The following CHN1 variants were observed in gnomAD, a reference collection of about 807,000 sequenced individuals.
CHN1 encodes the protein chimerin 1.
CHN1 carries 37 observed loss-of-function variants against 59.5 expected under a neutral mutation model. The observed-to-expected ratio is 0.62, with a 90% CI of 0.48 to 0.82. CHN1 has a LOEUF of 0.82. Among genes scored for constraint, CHN1 ranks in the 40% least tolerant of loss-of-function variants. The probability of loss-of-function intolerance (pLI) is 0.00; values close to 1 mark genes in which losing one functional copy is unlikely to be tolerated. For missense variants in CHN1, 469 were observed against 571.0 expected, an observed-to-expected ratio of 0.82 and a Z score of 1.82; for synonymous variants, 206 against 200.4, an observed-to-expected ratio of 1.03 and a Z score of -0.24.
At chr2:174,846,339 G>C (rs1686513779) in intron 7 of CHN1, 1 of 1,549,134 alleles carries the variant, frequency 6.5e-7, no homozygotes, top group African/African-American at 1.4e-5. Flanking sequence ...TACTCAAAAA[G>C]TGAGGAGAAG....
intron 6 of CHN1, among the ~76,000 whole-genome samples, chr2:174,864,922 G>A (rs939044772): frequency 3.4e-4 from 51 of 152,196 alleles, no homozygotes; most frequent in Non-Finnish European, 6.6e-4. Flanking sequence ...GCAATCTTAT[G>A]TGTAATTTAC....
chr2:174,949,203 G>A lies in CHN1; in HGVS notation c.58+2961C>T, dbSNP rs1185674133. ...GTTGTAAAAACTGTAAAACTGTCTTGAGTGGTAAAAGATAATATAAACAAA... is the reference window on the plus strand; with the variant it reads ...GTTGTAAAAACTGTAAAACTGTCTTAAGTGGTAAAAGATAATATAAACAAA... On this transcript the variant is annotated intron_variant, in intron 2 of 12. Coordinates refer to ENST00000409900, the MANE Select transcript of CHN1 (RefSeq NM_001822.7). Among the ~76,000 whole-genome samples the A allele has an allele frequency of 2.0e-5, 3 of 151,228 alleles. No homozygotes were observed. The East Asian group carries it at 5.8e-4, about 29-fold the overall frequency.
chr2:174,915,214 T>C, intron 4 of CHN1, 43 bp from the exon 5 acceptor site: 1 of 1,470,796 alleles, frequency 6.8e-7, no homozygotes, highest in Non-Finnish European at 9.4e-7. Context: ...TTCTACATTT[T>C]TCAATAAAAC....
intron 1 of CHN1, among the ~76,000 whole-genome samples, chr2:174,989,849 T>C (rs1691478736): frequency 6.6e-6 from 1 of 152,070 alleles, no homozygotes; most frequent in African/African-American, 2.4e-5. Context: ...AAAAAAACTA[T>C]TTTGGGACAG....
chr2:174,996,288 A>G (rs1038014128), intron 1 of CHN1, among the ~76,000 whole-genome samples: 4 of 152,224 alleles, frequency 2.6e-5, no homozygotes, highest in African/African-American at 9.7e-5. Context: ...CAGGTCTGCA[A>G]TGGCACATGG....
At chr2:174,847,086 C>A in intron 6 of CHN1, 129 bp from the exon 7 acceptor site, 1 of 1,551,644 alleles carries the variant, frequency 6.4e-7, no homozygotes, top group Non-Finnish European at 8.7e-7. Flanking sequence ...TTGTGAACTG[C>A]AGCCCTATTA....
At chr2:174,873,615 A>G (rs1687474577) in intron 6 of CHN1, among the ~76,000 whole-genome samples, 1 of 152,190 alleles carries the variant, frequency 6.6e-6, no homozygotes, top group Admixed American at 6.5e-5. Context: ...CAGGGAACAA[A>G]GACTCCTATC....
chr2:174,956,216 T>A (rs2105418899), intron 1 of CHN1, among the ~76,000 whole-genome samples: 1 of 151,718 alleles, frequency 6.6e-6, no homozygotes, highest in Middle Eastern at 3.4e-3. Context: ...AAAGAAAAAA[T>A]AACAACCCCA....
At chr2:174,871,718 G>C (rs542859207) in intron 6 of CHN1, among the ~76,000 whole-genome samples, 54 of 152,156 alleles carry the variant, frequency 3.5e-4, no homozygotes, top group Non-Finnish European at 5.7e-4. Context: ...ATATACAGAT[G>C]ATAAAGGAAG....
chr2:174,892,920 T>A (rs984978640), intron 5 of CHN1, among the ~76,000 whole-genome samples: 1 of 151,958 alleles, frequency 6.6e-6, no homozygotes, highest in Admixed American at 6.6e-5. Flanking sequence ...CCCTTGCATT[T>A]AAAAAACAAA....
At chr2:174,890,995 G>A (rs35813287) in intron 5 of CHN1, among the ~76,000 whole-genome samples, 1 of 150,192 alleles carries the variant, frequency 6.7e-6, no homozygotes, top group Non-Finnish European at 1.5e-5. Flanking sequence ...AAAAAAATTA[G>A]CCGGGTGTGG....
At chr2:174,971,211 G>C (rs1244819269) in intron 1 of CHN1, among the ~76,000 whole-genome samples, 1 of 152,046 alleles carries the variant, frequency 6.6e-6, no homozygotes, top group Non-Finnish European at 1.5e-5. Context: ...CCAGCTACTC[G>C]GGAGGCTGAG....
chr2:174,970,280 C>G (rs751812516), intron 1 of CHN1, among the ~76,000 whole-genome samples: 2 of 152,192 alleles, frequency 1.3e-5, no homozygotes, highest in African/African-American at 4.8e-5. Context: ...GTGAGCTGAA[C>G]TAGCTCCATT....
intron 1 of CHN1, among the ~76,000 whole-genome samples, chr2:174,961,215 AAGGG>A (rs574815113): frequency 5.7e-4 from 57 of 100,354 alleles, no homozygotes; most frequent in East Asian, 3.8e-3. Flanking sequence ...GGGAGGGAAG[AAGGG>A]AGGGAGGGAG....
chr2:174,859,754 T>A (rs961389220), intron 6 of CHN1, among the ~76,000 whole-genome samples: 4 of 152,144 alleles, frequency 2.6e-5, no homozygotes, highest in African/African-American at 9.7e-5. Context: ...TCTACTCTAC[T>A]GTGCTTGCCT....
At chr2:174,975,237 G>A (rs1235185955) in intron 1 of CHN1, among the ~76,000 whole-genome samples, 1 of 152,048 alleles carries the variant, frequency 6.6e-6, no homozygotes, top group Non-Finnish European at 1.5e-5. Context: ...CATCTACTGG[G>A]GGGAAATGGT....
At chr2:174,923,028 C>G (rs1689060489) in intron 3 of CHN1, among the ~76,000 whole-genome samples, 1 of 151,960 alleles carries the variant, frequency 6.6e-6, no homozygotes, top group African/African-American at 2.4e-5. Context: ...CCTGAGGGGG[C>G]CAAGGAAAAG....
At chr2:174,946,715 T>C (rs1360844946) in intron 2 of CHN1, among the ~76,000 whole-genome samples, 1 of 152,012 alleles carries the variant, frequency 6.6e-6, no homozygotes, top group African/African-American at 2.4e-5. Flanking sequence ...CCCCATGATA[T>C]GTGTAAATCT....
At chr2:174,876,830 G>A (rs1391113605) in intron 6 of CHN1, among the ~76,000 whole-genome samples, 1 of 152,136 alleles carries the variant, frequency 6.6e-6, no homozygotes, top group Non-Finnish European at 1.5e-5. Context: ...TGCTGATGGA[G>A]CATTTTACGC....
Sources: gnomAD v4.1 joint callset for allele counts (sites outside exome capture counted in the v4.1 genomes callset) on GRCh38, gnomAD v4.1.1 for gene constraint, MANE v1.5 for transcripts, NCBI Gene and HGNC (gene_info 2026-07-23, HGNC 2026-07-21) for gene names.